Variants in CD44 observed in about 807,000 individuals in gnomAD.
CD44 encodes CD44 molecule (IN blood group).
Under a neutral mutation model 88.8 loss-of-function variants are expected in CD44, and 49 were observed. That is an observed-to-expected ratio of 0.55 (90% CI 0.44 to 0.70). The LOEUF is 0.70. Ranked by LOEUF, CD44 falls within the 30% of genes least tolerant of loss-of-function variation. The pLI is 0.00. For synonymous variants in CD44, 325 were observed against 312.3 expected (o/e 1.04, Z -0.43); for missense variants, 883 against 913.8 (o/e 0.97, Z 0.43).
intron 17 of CD44, chr11:35,223,338 C>T (rs2134390514): frequency 1.0e-6 from 1 of 958,298 alleles, no homozygotes; most frequent in Non-Finnish European, 1.2e-6. Flanking sequence ...GCAATCAGCC[C>T]TTTATTGCCA....
chr11:35,182,436 C>G (rs1462279397), intron 3 of CD44, among the ~76,000 whole-genome samples: 1 of 152,112 alleles, frequency 6.6e-6, no homozygotes, highest in African/African-American at 2.4e-5. Context: ...GAAACAGGAA[C>G]AGAAAACTGT....
At chr11:35,156,119 A>G (rs1303767352) in intron 1 of CD44, among the ~76,000 whole-genome samples, 1 of 152,180 alleles carries the variant, frequency 6.6e-6, no homozygotes, top group African/African-American at 2.4e-5. Flanking sequence ...GGAATTGACT[A>G]TTGGATTTTA....
In CD44 at chr11:35,196,843, G is replaced by T. The variant is rs367630994; in HGVS notation, c.765G>T (p.Lys255Asn). The change falls in exon 6 of 18, where the codon AAG (lysine) becomes AAT (asparagine). Residue 255 changes from lysine to asparagine, a missense_variant. Around this residue, in one of 2 missense-constraint regions of CD44, gnomAD observed 631 missense variants for 590.9 expected, o/e 1.07. Coordinates refer to ENST00000428726, the MANE Select transcript of CD44 (RefSeq NM_000610.4). ...FSWLFLPSES[K>N]NHLHTTTQMA... is the part of the protein sequence containing the mutation. ...GGTTGTTTCTACCATCAGAGTCAAA[G>T]AATCATCTTCACACAACAACACAAA... 7 of 1,613,538 alleles carry T rather than the reference G, an allele frequency of 4.3e-6. No homozygotes were observed. Among genetic ancestry groups the T allele is most frequent in the Non-Finnish European group, 5.9e-6 (7 of 1,179,726 alleles).
chr11:35,157,945 C>T (rs538097396), intron 1 of CD44, among the ~76,000 whole-genome samples: 1 of 152,144 alleles, frequency 6.6e-6, no homozygotes, highest in Non-Finnish European at 1.5e-5. Context: ...GCAGCTCTCT[C>T]GCCTCTGAAA....
chr11:35,143,868 AG>A (rs1283276105), intron 1 of CD44, among the ~76,000 whole-genome samples: 1 of 152,156 alleles, frequency 6.6e-6, no homozygotes, highest in Non-Finnish European at 1.5e-5. Flanking sequence ...ATAAAGAGAG[AG>A]GTGGTTGCTT....
intron 16 of CD44, among the ~76,000 whole-genome samples, chr11:35,221,095 A>C (rs1158062075): frequency 6.6e-6 from 1 of 152,122 alleles, no homozygotes; most frequent in Non-Finnish European, 1.5e-5. Flanking sequence ...ATATACCAAA[A>C]TGTGATTACA....
chr11:35,175,004 CT>C (rs1944305005), intron 1 of CD44, among the ~76,000 whole-genome samples: 1 of 152,036 alleles, frequency 6.6e-6, no homozygotes, highest in Non-Finnish European at 1.5e-5. Context: ...GAGGGAGAGA[CT>C]GGGGGTTAGA....
At chr11:35,223,507 G>A (rs1332065154) in intron 17 of CD44, among the ~76,000 whole-genome samples, 3 of 152,016 alleles carry the variant, frequency 2.0e-5, no homozygotes, top group African/African-American at 7.3e-5. Context: ...ATTGGGGCTG[G>A]GTATCTCCCC....
chr11:35,198,247 G>C lies in CD44; in HGVS notation c.922+1G>C, dbSNP rs1445462726. The C allele has an allele frequency of 1.2e-5, 19 of 1,613,740 alleles. No homozygotes were observed. The highest frequency in any genetic ancestry group is 1.5e-5 in the Non-Finnish European group (18 of 1,179,710). ...GATGAAGATTTTATCTCCAGCACCA[G>C]TAAGAATAATCAATTACAGTACAGC... is the stretch of plus-strand genomic sequence containing the variant. On this transcript the variant is annotated splice_donor_variant, in intron 7 of 17. Transcript: ENST00000428726. LOFTEE classifies it high-confidence loss of function.
intron 6 of CD44, 65 bp from the exon 7 acceptor site, chr11:35,198,056 T>A: frequency 6.4e-7 from 1 of 1,570,402 alleles, no homozygotes; most frequent in South Asian, 1.2e-5. Flanking sequence ...TGTGCCTGAT[T>A]TTCTTCCTTT....
rs371482927 is a variant in CD44, at chr11:35,184,334, A to G, written c.368-2498A>G. On this transcript the variant is annotated intron_variant, in intron 3 of 17. Transcript: ENST00000428726. ...CTTAGGGTTTGTGACATCATGCTCC[A>G]TTCTATTACAACTTGCTGCCTGGAA... 1.8e-4 allele frequency among the ~76,000 whole-genome samples: 28 copies of G among 152,326 alleles called. No individual in the cohort carries two copies. In the South Asian group the frequency reaches 5.8e-3, roughly 32 times the overall value.
At chr11:35,198,071 G>C in intron 6 of CD44, 50 bp from the exon 7 acceptor site, 1 of 1,587,744 alleles carries the variant, frequency 6.3e-7, no homozygotes. Flanking sequence ...TCCTTTGCAA[G>C]TGGGTTGCTT....
chr11:35,184,355 T>C (rs1945447666), intron 3 of CD44, among the ~76,000 whole-genome samples: 1 of 152,206 alleles, frequency 6.6e-6, no homozygotes, highest in African/African-American at 2.4e-5. Flanking sequence ...ACTTGCTGCC[T>C]GGAAATTCCC....
chr11:35,202,046 T>C (rs1368137423), intron 9 of CD44, among the ~76,000 whole-genome samples: 1 of 152,224 alleles, frequency 6.6e-6, no homozygotes, highest in East Asian at 1.9e-4. Context: ...TAAAGGTTCC[T>C]AGAGGTTCCA....
At chr11:35,184,386 T>C (rs1945449927) in intron 3 of CD44, among the ~76,000 whole-genome samples, 1 of 152,186 alleles carries the variant, frequency 6.6e-6, no homozygotes, top group Admixed American at 6.5e-5. Context: ...TACTTGCAGT[T>C]ATATTTGAAG....
At chr11:35,228,196 C>A (rs1234264798) in intron 17 of CD44, among the ~76,000 whole-genome samples, 4 of 152,168 alleles carry the variant, frequency 2.6e-5, no homozygotes, top group Non-Finnish European at 1.5e-5. Context: ...GGGAAAAGAT[C>A]AAGGTCGTAC....
intron 1 of CD44, among the ~76,000 whole-genome samples, chr11:35,148,587 A>G (rs542510747): frequency 6.6e-6 from 1 of 152,198 alleles, no homozygotes; most frequent in Admixed American, 6.5e-5. Flanking sequence ...CCTCACAAAC[A>G]CATCTCCATT....
chr11:35,147,120 A>G (rs1859322784), intron 1 of CD44, among the ~76,000 whole-genome samples: 1 of 152,202 alleles, frequency 6.6e-6, no homozygotes, highest in Non-Finnish European at 1.5e-5. Context: ...TTATCACTTC[A>G]TTATTTGTCA....
intron 5 of CD44, among the ~76,000 whole-genome samples, chr11:35,190,925 G>A (rs1045193282): frequency 3.9e-5 from 6 of 152,118 alleles, no homozygotes; most frequent in Admixed American, 1.3e-4. Context: ...TTTGCCCCTC[G>A]CGCTTCAGCT....
Sources: gnomAD v4.1 joint callset for allele counts (sites outside exome capture counted in the v4.1 genomes callset) on GRCh38, gnomAD v4.1.1 for gene constraint, gnomAD v4.1.1 regional missense constraint, MANE v1.5 for transcripts, NCBI Gene and HGNC (gene_info 2026-07-23, HGNC 2026-07-21) for gene names.